The following CACNA1A variants were observed in gnomAD, a reference collection of about 807,000 sequenced individuals.
The protein encoded by CACNA1A is calcium voltage-gated channel subunit alpha1 A.
In CACNA1A, 57 loss-of-function variants were observed where a neutral mutation model predicts 262.4. The ratio of observed to expected loss-of-function variants is 0.22; its 90% CI spans 0.18 to 0.27. The LOEUF (loss-of-function observed/expected upper bound fraction) is 0.27. Among genes scored for constraint, CACNA1A ranks in the 10% least tolerant of loss-of-function variants. The pLI, the probability that CACNA1A is intolerant of heterozygous loss-of-function variation, is 1.00. For missense variants in CACNA1A, 2,526 were observed against 3,562.8 expected, an observed-to-expected ratio of 0.71 and a Z score of 7.41; for synonymous variants, 1,431 against 1,419.3, an observed-to-expected ratio of 1.01 and a Z score of -0.18.
Position 13,325,161 on chromosome 19 carries a change from C to T in CACNA1A, c.1345+5083G>A, listed in dbSNP as rs544174656. On this transcript the variant is annotated intron_variant, in intron 10 of 46. Transcript: ENST00000360228. Reference sequence around the variant, plus strand: ...CCTCCTCTTCTTCTTCTTCCTTCTTCCTTCTTCTTCTTTCCTCCTCTTCTT... The same window carrying T: ...CCTCCTCTTCTTCTTCTTCCTTCTTTCTTCTTCTTCTTTCCTCCTCTTCTT... Among the ~76,000 whole-genome samples the T allele has an allele frequency of 5.6e-5, 8 of 144,052 alleles. No individual in the cohort carries two copies. The East Asian group carries it at 1.3e-3, about 23-fold the overall frequency. 94.5% of individuals were successfully genotyped at this position (144,052 alleles called of 152,430 possible). A position where few individuals can be genotyped will look rare whatever the true frequency, so the allele number is the denominator to read the frequency against.
At chr19:13,499,534 G>A (rs1019484930) in intron 1 of CACNA1A, among the ~76,000 whole-genome samples, 3 of 150,648 alleles carry the variant, frequency 2.0e-5, no homozygotes, top group Admixed American at 1.3e-4. Flanking sequence ...GAACCTAAAT[G>A]ACTCCATAGT....
chr19:13,214,606 C>T lies in CACNA1A; in HGVS notation c.5734G>A (p.Gly1912Arg), dbSNP rs966699696. The change falls in exon 39 of 47, where the codon GGA becomes AGA. Residue 1912 changes from glycine to arginine, a missense_variant and splice_region_variant. Transcript: ENST00000360228. This position sits in a 1 kb window ranked among gnomAD's most constrained non-coding sequence, Gnocchi z 4.1. The part of the protein sequence containing the change: ...TALDIKIAKG[G>R]ADKQQMDAEL... ...GCGTCCATCTGCTGTTTGTCGGCTCCTCCTGCAATGGGGGTGTAGACAGAC... is the reference window on the plus strand; with the variant it reads ...GCGTCCATCTGCTGTTTGTCGGCTCTTCCTGCAATGGGGGTGTAGACAGAC... The T allele has an allele frequency of 1.9e-6, 3 of 1,612,518 alleles. No individual in the cohort carries two copies. The highest frequency in any genetic ancestry group is 2.5e-6 in the Non-Finnish European group (3 of 1,179,090).
chr19:13,354,640 G>A (rs1195757309), intron 6 of CACNA1A, among the ~76,000 whole-genome samples: 1 of 152,142 alleles, frequency 6.6e-6, no homozygotes, highest in Non-Finnish European at 1.5e-5. Flanking sequence ...TTATTTAGGA[G>A]GAGTTATAAA....
chr19:13,307,616 C>T, intron 15 of CACNA1A, 166 bp downstream of exon 15: 3 of 611,640 alleles, frequency 4.9e-6, no homozygotes, highest in East Asian at 5.5e-5. Context: ...GATCTGTTGG[C>T]CTCACCATAA....
chr19:13,299,247 C>T lies in CACNA1A; in HGVS notation c.2386G>A (p.Glu796Lys). 6.2e-7 allele frequency: 1 copy of T among 1,608,856 alleles called. No homozygotes were observed. The highest frequency in any genetic ancestry group is 8.5e-7 in the Non-Finnish European group (1 of 1,179,854). ...TTCCAGCGCTCGTCCGGGTCCATTT[C>T]GTTATACAGGGCCTCCCGGCTGGCC... Reference protein sequence around the residue: ...LLASREALYNEMDPDERWKAA... With the variant: ...LLASREALYNKMDPDERWKAA... Residue 796 changes from glutamate to lysine, a missense_variant, in exon 19 of 47, where the codon GAA becomes AAA. By Grantham distance (56) the Glu-to-Lys change is moderately conservative. This residue lies in a region of CACNA1A where 765 missense variants were observed against 748.6 expected (regional missense o/e 1.02). Transcript: ENST00000360228.
intron 6 of CACNA1A, 49 bp downstream of exon 6, chr19:13,359,557 C>G (rs1175230875): frequency 1.4e-6 from 2 of 1,477,422 alleles, no homozygotes; most frequent in African/African-American, 2.8e-5. Context: ...CAGGAGGCCA[C>G]CTCCCTGAGA....
chr19:13,320,070 T>G (rs935925846), intron 10 of CACNA1A, among the ~76,000 whole-genome samples: 3 of 152,110 alleles, frequency 2.0e-5, no homozygotes, highest in Admixed American at 2.0e-4. Context: ...CTCATGTCCA[T>G]CACCTTCTCA....
intron 1 of CACNA1A, among the ~76,000 whole-genome samples, chr19:13,456,364 G>T (rs1432287675): frequency 6.6e-6 from 1 of 152,026 alleles, no homozygotes; most frequent in Non-Finnish European, 1.5e-5. Flanking sequence ...TCTGATAAGG[G>T]TCTAGTACTA....
chr19:13,351,222 C>T (rs1320235020), intron 6 of CACNA1A, among the ~76,000 whole-genome samples: 2 of 152,172 alleles, frequency 1.3e-5, no homozygotes, highest in Non-Finnish European at 2.9e-5. Context: ...TTAGTCTCCA[C>T]CTCCTGGGGC....
chr19:13,243,023 A>C (rs2056122507), intron 31 of CACNA1A, among the ~76,000 whole-genome samples: 1 of 152,162 alleles, frequency 6.6e-6, no homozygotes, highest in African/African-American at 2.4e-5. Flanking sequence ...GTTTCAGCTA[A>C]CTTCCTCCAC....
intron 30 of CACNA1A, among the ~76,000 whole-genome samples, chr19:13,247,466 G>A (rs2056269034): frequency 1.3e-5 from 2 of 152,126 alleles, no homozygotes; most frequent in South Asian, 4.1e-4. Flanking sequence ...GGCCGATGTG[G>A]GCGGATCACG....
chr19:13,402,558 AAAAG>A (rs1175342619), intron 3 of CACNA1A, among the ~76,000 whole-genome samples: 1 of 151,734 alleles, frequency 6.6e-6, no homozygotes, highest in African/African-American at 2.4e-5. Flanking sequence ...AAAAAAAGAA[AAAAG>A]AAAATTAAGC....
At chr19:13,383,868 T>C (rs1386065356) in intron 3 of CACNA1A, among the ~76,000 whole-genome samples, 1 of 152,224 alleles carries the variant, frequency 6.6e-6, no homozygotes, top group Non-Finnish European at 1.5e-5. Flanking sequence ...CAGGCTGGCG[T>C]GCAGTGCACA....
At chr19:13,414,801 T>C (rs1214430471) in intron 3 of CACNA1A, among the ~76,000 whole-genome samples, 1 of 150,722 alleles carries the variant, frequency 6.6e-6, no homozygotes, top group Non-Finnish European at 1.5e-5. Context: ...CTACCAAAAG[T>C]CCTAAAAAAA....
chr19:13,408,756 G>C (rs2060057160), intron 3 of CACNA1A, among the ~76,000 whole-genome samples: 2 of 152,182 alleles, frequency 1.3e-5, no homozygotes, highest in African/African-American at 4.8e-5. Flanking sequence ...TCCCAAAGGG[G>C]AGACAGTAGT....
At chr19:13,429,812 T>C (rs2060472181) in intron 3 of CACNA1A, among the ~76,000 whole-genome samples, 1 of 151,746 alleles carries the variant, frequency 6.6e-6, no homozygotes, top group African/African-American at 2.4e-5. Flanking sequence ...TGACTCATGC[T>C]ACAATATGGA....
At chr19:13,222,244 G>T (rs928382028) in intron 38 of CACNA1A, among the ~76,000 whole-genome samples, 4 of 152,048 alleles carry the variant, frequency 2.6e-5, no homozygotes, top group African/African-American at 4.8e-5. Flanking sequence ...GTTTTGCCAC[G>T]TTGGCCAGGC....
intron 5 of CACNA1A, among the ~76,000 whole-genome samples, chr19:13,360,073 T>G (rs1271775671): frequency 1.3e-5 from 2 of 151,814 alleles, no homozygotes; most frequent in Non-Finnish European, 2.9e-5. Flanking sequence ...ATGGATGGAT[T>G]AACTGCCTTT....
intron 14 of CACNA1A, 130 bp from the exon 15 acceptor site, chr19:13,307,984 C>A: frequency 1.4e-6 from 2 of 1,395,970 alleles, no homozygotes; most frequent in Non-Finnish European, 2.0e-6. Context: ...GAGTGGTACC[C>A]AGGGCCCTGC....
Sources: gnomAD v4.1 joint callset for allele counts (sites outside exome capture counted in the v4.1 genomes callset) on GRCh38, gnomAD v4.1.1 for gene constraint, gnomAD v4.1.1 regional missense constraint, Gnocchi (gnomAD v3.1) non-coding constraint, MANE v1.5 for transcripts, NCBI Gene and HGNC (gene_info 2026-07-23, HGNC 2026-07-21) for gene names.